The following ADGRL3 variants were observed in gnomAD, a reference collection of about 807,000 sequenced individuals.
The protein encoded by ADGRL3 is adhesion G protein-coupled receptor L3.
Under a neutral mutation model 153.5 loss-of-function variants are expected in ADGRL3, and 62 were observed. The observed-to-expected ratio is 0.40, with a 90% CI of 0.33 to 0.50. ADGRL3 has a LOEUF of 0.50. Among genes scored for constraint, ADGRL3 ranks in the 20% least tolerant of loss-of-function variants. The probability of loss-of-function intolerance (pLI) is 0.47; values close to 1 mark genes in which losing one functional copy is unlikely to be tolerated. For missense variants in ADGRL3, 1,641 were observed against 1,859.4 expected (o/e 0.88, Z 2.16); for synonymous variants, 710 against 672.5 (o/e 1.06, Z -0.86).
chr4:61,983,544 T>G lies in ADGRL3; in HGVS notation c.3177T>G (p.Pro1059=). 1 of 1,614,006 alleles carries G rather than the reference T, an allele frequency of 6.2e-7. No homozygotes were observed. Residue 1059 remains proline, a synonymous_variant, in exon 19 of 27, where the codon CCT becomes CCG. Transcript: ENST00000683033. ...TTTATCTGGTCGGCTATGGGATGCC[T>G]GCACTCATTGTGGCTGTGTCAGCTG... ...KYFYLVGYGM[P]ALIVAVSAAV...
At chr4:61,263,290 A>T (rs1402400914) in intron 1 of ADGRL3, among the ~76,000 whole-genome samples, 1 of 151,586 alleles carries the variant, frequency 6.6e-6, no homozygotes, top group African/African-American at 2.4e-5. Flanking sequence ...TTTTGTGGTT[A>T]AAAAAAACCT....
At chr4:61,858,344 C>T (rs1052111442) in intron 9 of ADGRL3, among the ~76,000 whole-genome samples, 5 of 152,054 alleles carry the variant, frequency 3.3e-5, no homozygotes, top group Non-Finnish European at 7.4e-5. Flanking sequence ...GAATATTGGC[C>T]AGGCATGGTG....
At chr4:61,430,520 A>G (rs1250231462) in intron 2 of ADGRL3, among the ~76,000 whole-genome samples, 1 of 152,178 alleles carries the variant, frequency 6.6e-6, no homozygotes, top group Non-Finnish European at 1.5e-5. Context: ...TGCATTAACA[A>G]TATTGAATTC....
intron 17 of ADGRL3, among the ~76,000 whole-genome samples, chr4:61,962,626 C>T (rs903140211): frequency 2.6e-5 from 4 of 151,896 alleles, no homozygotes; most frequent in African/African-American, 9.7e-5. Context: ...ACATTTTTGT[C>T]AAGAACACCA....
At chr4:61,287,080 A>G (rs936790668) in intron 1 of ADGRL3, among the ~76,000 whole-genome samples, 1 of 151,722 alleles carries the variant, frequency 6.6e-6, no homozygotes, top group Non-Finnish European at 1.5e-5. Context: ...CATAGTAGGG[A>G]TTTTCAATAT....
intron 4 of ADGRL3, chr4:61,583,655 G>T: frequency 1.9e-6 from 1 of 518,234 alleles, no homozygotes; most frequent in South Asian, 1.4e-5. Context: ...TATCAGAGAT[G>T]TTTAATTAGT....
chr4:61,418,290 C>A (rs1322562497), intron 2 of ADGRL3, among the ~76,000 whole-genome samples: 2 of 152,074 alleles, frequency 1.3e-5, no homozygotes, highest in Non-Finnish European at 2.9e-5. Context: ...AGGATTGCTG[C>A]CAAGAGAATT....
In ADGRL3 at chr4:62,077,528, T is replaced by G. The variant is rs888122334; in HGVS notation, c.*6620T>G. 1 of 152,132 alleles carries G rather than the reference T, an allele frequency of 6.6e-6. No individual in the cohort carries two copies. The highest frequency in any genetic ancestry group is 2.1e-4 in the South Asian group (1 of 4,828). 9.4% of individuals were successfully genotyped at this position (152,132 alleles called of 1,614,324 possible). ...ATATATTGATTGCTCTCAAAAGATG[T>G]TTGACAAAGTTAAGTCAGTATCTTC... On this transcript the variant is annotated 3_prime_UTR_variant, in exon 27 of 27. Transcript: ENST00000683033.
chr4:61,668,174 A>G (rs966632447), intron 5 of ADGRL3, among the ~76,000 whole-genome samples: 1 of 152,206 alleles, frequency 6.6e-6, no homozygotes, highest in Admixed American at 6.5e-5. Flanking sequence ...TTTAAGAGGG[A>G]CATAGGAAGA....
intron 17 of ADGRL3, among the ~76,000 whole-genome samples, chr4:61,973,776 G>A (rs2099037903): frequency 6.6e-6 from 1 of 151,872 alleles, no homozygotes; most frequent in African/African-American, 2.4e-5. Context: ...AAATTTTTTA[G>A]TGTCATCTTT....
At chr4:61,693,837 T>C (rs1002543897) in intron 6 of ADGRL3, among the ~76,000 whole-genome samples, 16 of 152,170 alleles carry the variant, frequency 1.1e-4, no homozygotes, top group Non-Finnish European at 1.3e-4. Flanking sequence ...TACAGTGATA[T>C]GAAACAGATA....
chr4:61,451,467 T>C (rs2097672786), intron 2 of ADGRL3, among the ~76,000 whole-genome samples: 1 of 152,196 alleles, frequency 6.6e-6, no homozygotes, highest in South Asian at 2.1e-4. Context: ...GATTGAACAA[T>C]GTTCAGATTG....
At chr4:61,233,934 T>C (rs1264703964) in intron 1 of ADGRL3, among the ~76,000 whole-genome samples, 1 of 152,198 alleles carries the variant, frequency 6.6e-6, no homozygotes, top group African/African-American at 2.4e-5. Context: ...ATAGCTCACT[T>C]ACTTGGGGGA....
intron 6 of ADGRL3, among the ~76,000 whole-genome samples, chr4:61,696,972 C>T (rs1203800864): frequency 3.3e-5 from 5 of 151,922 alleles, no homozygotes; most frequent in Admixed American, 2.0e-4. Flanking sequence ...CCACTGTGCC[C>T]AGCCATATTC....
At chr4:61,917,689 G>A (rs558977838) in intron 13 of ADGRL3, among the ~76,000 whole-genome samples, 1 of 147,880 alleles carries the variant, frequency 6.8e-6, no homozygotes, top group Non-Finnish European at 1.5e-5. Flanking sequence ...GTCATGGGAT[G>A]GGGGGCAAGA....
chr4:61,829,665 G>A (rs1019644609), intron 9 of ADGRL3, among the ~76,000 whole-genome samples: 3 of 152,014 alleles, frequency 2.0e-5, no homozygotes, highest in Non-Finnish European at 2.9e-5. Context: ...TTAATTGAGG[G>A]TAAATTTCAT....
At chr4:61,883,539 G>A (rs2098520468) in intron 9 of ADGRL3, among the ~76,000 whole-genome samples, 1 of 151,880 alleles carries the variant, frequency 6.6e-6, no homozygotes, top group Admixed American at 6.6e-5. Flanking sequence ...TCTCCATTTA[G>A]CAGATGAAAA....
chr4:61,244,654 G>T (rs1169165105), intron 1 of ADGRL3, among the ~76,000 whole-genome samples: 1 of 151,868 alleles, frequency 6.6e-6, no homozygotes, highest in Non-Finnish European at 1.5e-5. Flanking sequence ...TCAGTAATTG[G>T]GAACACACAG....
chr4:61,758,820 C>T (rs527687183), intron 8 of ADGRL3, among the ~76,000 whole-genome samples: 64 of 152,222 alleles, frequency 4.2e-4, no homozygotes, highest in African/African-American at 1.5e-3. Flanking sequence ...GCTGGAACCG[C>T]TTGTTCCTTT....
Sources: gnomAD v4.1 joint callset for allele counts (sites outside exome capture counted in the v4.1 genomes callset) on GRCh38, gnomAD v4.1.1 for gene constraint, MANE v1.5 for transcripts, NCBI Gene and HGNC (gene_info 2026-07-23, HGNC 2026-07-21) for gene names.